Variants in COL17A1 observed in about 807,000 individuals in gnomAD.
COL17A1 encodes the protein collagen alpha-1(XVII) chain.
In COL17A1, 181 loss-of-function variants were observed where a neutral mutation model predicts 218.4. The observed-to-expected ratio is 0.83, with a 90% CI of 0.73 to 0.94. The LOEUF is 0.94. Ranked by LOEUF, COL17A1 falls within the 40% of genes least tolerant of loss-of-function variation. COL17A1 has a pLI of 0.00. For synonymous variants in COL17A1, 721 were observed against 731.0 expected, an observed-to-expected ratio of 0.99 and a Z score of 0.22; for missense variants, 1,924 against 1,945.9, an observed-to-expected ratio of 0.99 and a Z score of 0.21.
intron 9 of COL17A1, among the ~76,000 whole-genome samples, chr10:104,070,125 A>G (rs1353312902): frequency 6.6e-6 from 1 of 152,294 alleles, no homozygotes; most frequent in East Asian, 1.9e-4. Flanking sequence ...GGAATATCCA[A>G]TCAATCTAAT....
chr10:104,077,520 C>T lies in COL17A1; in HGVS notation c.104G>A (p.Gly35Glu). The change falls in exon 4 of 56, where the codon GGG (glycine) becomes GAG (glutamate). Residue 35 changes from glycine (G) to glutamate (E), a missense_variant. Gly to Glu is a moderately conservative substitution (Grantham distance 98). Coordinates refer to ENST00000648076, the MANE Select transcript of COL17A1 (RefSeq NM_000494.4). Reference sequence around the variant, plus strand: ...TGTTTTAGCATAGCCATTGCTGGTCCCGCCTTCTGCCAGGAACAAAAGCAG... The same window carrying T: ...TGTTTTAGCATAGCCATTGCTGGTCTCGCCTTCTGCCAGGAACAAAAGCAG... ...TRLTSLPPKG[G>E]TSNGYAKTAS... is the part of the protein sequence containing the mutation. 6.2e-7 allele frequency: 1 copy of T among 1,610,798 alleles called. No homozygotes were observed. The highest frequency in any genetic ancestry group is 8.5e-7 in the Non-Finnish European group (1 of 1,178,736).
At chr10:104,063,886 C>A (rs1481971473) in intron 10 of COL17A1, 68 bp from the exon 11 acceptor site, 2 of 1,604,064 alleles carry the variant, frequency 1.2e-6, no homozygotes, top group Middle Eastern at 1.8e-4. Context: ...GATTTGGATA[C>A]CACAGAAGCA....
At position 104,040,389 on chromosome 10, in the gene COL17A1, G is replaced by A; in HGVS notation, c.2723C>T (p.Pro908Leu). 1.9e-6 allele frequency: 3 copies of A among 1,609,898 alleles called. No homozygotes were observed. The highest frequency in any genetic ancestry group is 1.7e-6 in the Non-Finnish European group (2 of 1,176,226). ...SNSETFLSGP[P>L]GPPGPPGPKG... ...GGGACCTGGGGGGCCAGGTGGGCCT[G>A]GGGGGCCGGAGAGGAAGGTTTCTGC... Residue 908 changes from proline to leucine, a missense_variant, in exon 40 of 56, where the codon CCA becomes CTA. Coordinates refer to ENST00000648076, the MANE Select transcript of COL17A1 (RefSeq NM_000494.4).
chr10:104,037,571 C>A lies in COL17A1; in HGVS notation c.3208+65G>T. The A allele has an allele frequency of 5.0e-6, 8 of 1,596,678 alleles. No homozygotes were observed. In the South Asian group the frequency reaches 7.7e-5, roughly 15 times the overall value. ...GCAAACAGCAAACGAGGAGATGAGG[C>A]TCTGGGAGCAAAAGCAGACCCACAG... On this transcript the variant is annotated intron_variant, in intron 46 of 55. Coordinates refer to ENST00000648076, the MANE Select transcript of COL17A1 (RefSeq NM_000494.4).
intron 39 of COL17A1, among the ~76,000 whole-genome samples, 182 bp downstream of exon 39, chr10:104,040,883 T>C (rs1459373945): frequency 6.6e-6 from 1 of 152,058 alleles, no homozygotes; most frequent in Non-Finnish European, 1.5e-5. Flanking sequence ...ACCAGGGTGG[T>C]TGGGTTGACA....
At chr10:104,035,410 C>T in intron 49 of COL17A1, 37 bp from the exon 50 acceptor site, 1 of 1,613,462 alleles carries the variant, frequency 6.2e-7, no homozygotes, top group East Asian at 2.2e-5. Flanking sequence ...TCAGTCCTGG[C>T]CTGGGCCAAG....
intron 1 of COL17A1, among the ~76,000 whole-genome samples, chr10:104,085,316 G>T (rs7092201): frequency 1.3e-5 from 2 of 152,190 alleles, no homozygotes; most frequent in African/African-American, 4.8e-5. Context: ...TGTTCTCTTC[G>T]TCCAGTGGAG....
chr10:104,046,463 G>A (rs1192808710), intron 32 of COL17A1, among the ~76,000 whole-genome samples: 1 of 152,162 alleles, frequency 6.6e-6, no homozygotes, highest in Non-Finnish European at 1.5e-5. Context: ...GCTCAGCTAT[G>A]AGCTTGGGGT....
At chr10:104,047,951 C>T in intron 30 of COL17A1, 118 bp downstream of exon 30, 1 of 1,404,638 alleles carries the variant, frequency 7.1e-7, no homozygotes. Flanking sequence ...GAACTGGACA[C>T]TGCACACTTC....
chr10:104,054,841 C>T, intron 20 of COL17A1, 140 bp downstream of exon 20: 1 of 1,367,750 alleles, frequency 7.3e-7, no homozygotes, highest in African/African-American at 1.4e-5. Flanking sequence ...GGATTGGAAA[C>T]CTCTCCTCCT....
At position 104,047,982 on chromosome 10, in the gene COL17A1, G is replaced by A. The variant is rs1016139127; in HGVS notation, c.2263+87C>T. 2.6e-6 allele frequency: 4 copies of A among 1,519,438 alleles called. No homozygotes were observed. The African/African-American group carries it at 5.5e-5, about 21-fold the overall frequency. 94.1% of individuals were successfully genotyped at this position (1,519,438 alleles called of 1,614,324 possible). On this transcript the variant is annotated intron_variant, in intron 30 of 55. Transcript: ENST00000648076. ...ACTTCCACATGCTATATGCTCCTCT[G>A]CACTATGGTTAAGGGGACTGAGGGC...
At position 104,040,887 on chromosome 10, in the gene COL17A1, G is replaced by A. The variant is rs539059302; in HGVS notation, c.2701+178C>T. Among the ~76,000 whole-genome samples, 11 of 152,260 alleles carry A rather than the reference G, an allele frequency of 7.2e-5. 1 individual carries two copies. The East Asian group carries it at 7.7e-4, about 11-fold the overall frequency. ...CAGGCCAGACTACCAGGGTGGTTGG[G>A]TTGACATGGTTATTCCCTCCATGTG... On this transcript the variant is annotated intron_variant, in intron 39 of 55. Coordinates refer to ENST00000648076, the MANE Select transcript of COL17A1 (RefSeq NM_000494.4).
Position 104,055,869 on chromosome 10 carries a change from C to A in COL17A1, c.1600G>T (p.Asp534Tyr). 4 of 1,614,230 alleles carry A rather than the reference C, an allele frequency of 2.5e-6. No homozygotes were observed. The highest frequency in any genetic ancestry group is 3.4e-6 in the Non-Finnish European group (4 of 1,180,048). Residue 534 changes from aspartate to tyrosine, a missense_variant, in exon 18 of 56, where the codon GAC becomes TAC. By Grantham distance (160) the Asp-to-Tyr change is radical. Transcript: ENST00000648076. ...CTGTGCAGCCCAATTTTGTCCAGGTCTGCTCCCGCCGCGGGTGCCATGCCC... is the reference window on the plus strand; with the variant it reads ...CTGTGCAGCCCAATTTTGTCCAGGTATGCTCCCGCCGCGGGTGCCATGCCC... Reference protein sequence around the residue: ...LQGMAPAAGADLDKIGLHSDS... With the variant: ...LQGMAPAAGAYLDKIGLHSDS...
intron 8 of COL17A1, 99 bp downstream of exon 8, chr10:104,071,927 TGTGTGC>T (rs2086672388): frequency 1.3e-6 from 2 of 1,532,548 alleles, no homozygotes; most frequent in Non-Finnish European, 9.0e-7. Context: ...TACATACATG[TGTGTGC>T]ATGCATGCAC....
At chr10:104,064,293 A>G (rs1221005032) in intron 10 of COL17A1, 145 bp downstream of exon 10, 3 of 1,355,536 alleles carry the variant, frequency 2.2e-6, no homozygotes, top group Non-Finnish European at 3.1e-6. Context: ...CTGAAGTTCC[A>G]GGGGGAATCT....
intron 5 of COL17A1, among the ~76,000 whole-genome samples, chr10:104,075,725 C>G (rs1233040926): frequency 6.6e-6 from 1 of 152,232 alleles, no homozygotes; most frequent in East Asian, 1.9e-4. Context: ...GTCCCTCAAA[C>G]CTTTTGCACG....
At chr10:104,067,811 A>G (rs1388226021) in intron 9 of COL17A1, among the ~76,000 whole-genome samples, 1 of 152,236 alleles carries the variant, frequency 6.6e-6, no homozygotes, top group Non-Finnish European at 1.5e-5. Context: ...TGTAAGGGAA[A>G]GAGAAAACAG....
chr10:104,050,905 C>A lies in COL17A1; in HGVS notation c.2039-4G>T. 1 of 1,614,140 alleles carries A rather than the reference C, an allele frequency of 6.2e-7. No individual in the cohort carries two copies. Among genetic ancestry groups the A allele is most frequent in the South Asian group, 1.1e-5 (1 of 91,082 alleles). ...AGCCCTTGGAGACCTACAGGACCTG[C>A]CCGGCAGAAGAAACCATGCACACAG... On this transcript the variant is annotated splice_region_variant and splice_polypyrimidine_tract_variant and intron_variant, in intron 25 of 55. Transcript: ENST00000648076.
intron 54 of COL17A1, 25 bp from the exon 55 acceptor site, chr10:104,032,779 T>G (rs1311519089): frequency 1.9e-6 from 3 of 1,613,038 alleles, no homozygotes. Flanking sequence ...GGGGCGTAAC[T>G]AAGTAATACA....
Sources: gnomAD v4.1 joint callset for allele counts (sites outside exome capture counted in the v4.1 genomes callset) on GRCh38, gnomAD v4.1.1 for gene constraint, MANE v1.5 for transcripts, NCBI Gene and HGNC (gene_info 2026-07-23, HGNC 2026-07-21) for gene names.